The following XRRA1 variants were observed in gnomAD, a reference collection of about 807,000 sequenced individuals.
XRRA1 encodes X-ray radiation resistance-associated protein 1.
In XRRA1, 69 loss-of-function variants were observed where a neutral mutation model predicts 80.2. That is an observed-to-expected ratio of 0.86 (90% CI 0.71 to 1.05). XRRA1 has a LOEUF of 1.05. Ranked by LOEUF, XRRA1 falls within the 50% of genes least tolerant of loss-of-function variation. XRRA1 has a pLI of 0.00. For synonymous variants in XRRA1, 348 were observed against 389.9 expected (o/e 0.89, Z 1.27); for missense variants, 967 against 976.4 (o/e 0.99, Z 0.13).
Position 74,851,195 on chromosome 11 carries a change from G to A in XRRA1, c.1273C>T (p.Pro425Ser). ...PLVAHTRGVP[P>S]LLKSFLQERL... ...TCCTGGAGGAAGCTCTTCAGCAGTG[G>A]AGGGACCCCTGGTGCCATGATGGGA... Residue 425 changes from proline to serine, a missense_variant, in exon 14 of 19, where the codon CCA (proline) becomes TCA (serine). Physicochemically the swap from Pro to Ser is moderately conservative, Grantham distance 74. Coordinates refer to ENST00000684022, the MANE Select transcript of XRRA1 (RefSeq NM_001378157.1). The A allele has an allele frequency of 6.2e-7, 1 of 1,607,328 alleles. No homozygotes were observed. Among genetic ancestry groups the A allele is most frequent in the Non-Finnish European group, 8.5e-7 (1 of 1,177,600 alleles).
intron 10 of XRRA1, among the ~76,000 whole-genome samples, chr11:74,881,518 G>A (rs1468982666): frequency 6.7e-6 from 1 of 149,062 alleles, no homozygotes; most frequent in African/African-American, 2.5e-5. Context: ...GATGTTAGCT[G>A]GTTATTTTGC....
intron 7 of XRRA1, among the ~76,000 whole-genome samples, chr11:74,923,375 A>G (rs1941407414): frequency 1.3e-5 from 2 of 152,180 alleles, no homozygotes; most frequent in African/African-American, 4.8e-5. Context: ...GGTTCAGACA[A>G]TGAGGCAATC....
intron 5 of XRRA1, among the ~76,000 whole-genome samples, chr11:74,932,058 T>A (rs1425274165): frequency 1.3e-5 from 2 of 152,210 alleles, no homozygotes; most frequent in Non-Finnish European, 2.9e-5. Context: ...TTATCTGTTG[T>A]CTATTTTTCT....
At chr11:74,946,464 C>T (rs1454409623) in intron 1 of XRRA1, among the ~76,000 whole-genome samples, 1 of 152,210 alleles carries the variant, frequency 6.6e-6, no homozygotes, top group Non-Finnish European at 1.5e-5. Flanking sequence ...CCTTCACACT[C>T]TTGCCCTCTC....
In XRRA1 at chr11:74,848,284, C is replaced by T. The variant is rs370758327; in HGVS notation, c.1559G>A (p.Gly520Asp). 16 of 1,613,748 alleles carry T rather than the reference C, an allele frequency of 9.9e-6. No individual in the cohort carries two copies. The Middle Eastern group carries it at 4.9e-4, about 50-fold the overall frequency. ...ESEMPTENLE[G>D]HSPSCRTFVP... is the part of the protein sequence containing the mutation. ...GAAGGTCCGGCAAGACGGGGAATGG[C>T]CTTCCAGGTTCTCAGTGGGCATCTC... The change falls in exon 15 of 19, where the codon GGC becomes GAC. Residue 520 changes from glycine (G) to aspartate (D), a missense_variant. Coordinates refer to ENST00000684022, the MANE Select transcript of XRRA1 (RefSeq NM_001378157.1).
intron 10 of XRRA1, among the ~76,000 whole-genome samples, chr11:74,898,025 G>A (rs1411333018): frequency 1.3e-5 from 2 of 152,156 alleles, no homozygotes; most frequent in Non-Finnish European, 2.9e-5. Context: ...AAGGCTAAAT[G>A]ATGAACCAAT....
intron 10 of XRRA1, among the ~76,000 whole-genome samples, chr11:74,892,034 C>T (rs2050869482): frequency 6.6e-6 from 1 of 152,150 alleles, no homozygotes; most frequent in South Asian, 2.1e-4. Flanking sequence ...TGACTTTCTT[C>T]ACAGAATTGG....
intron 6 of XRRA1, among the ~76,000 whole-genome samples, 166 bp downstream of exon 6, chr11:74,930,134 C>G (rs536327834): frequency 8.5e-5 from 13 of 152,172 alleles, no homozygotes; most frequent in Non-Finnish European, 1.9e-4. Context: ...AGCGCCAGAG[C>G]AGGACTGGAA....
chr11:74,863,963 A>G (rs1282669846), intron 10 of XRRA1: 1 of 152,082 alleles, frequency 6.6e-6, no homozygotes. Flanking sequence ...CTGAACGCGC[A>G]TCCTGCTCTC....
intron 4 of XRRA1, among the ~76,000 whole-genome samples, chr11:74,936,058 A>G (rs191224055): frequency 2.0e-5 from 3 of 152,338 alleles, no homozygotes; most frequent in Admixed American, 2.0e-4. Context: ...CTCTTTCAAC[A>G]TCTGATTTAT....
rs903045328 is a variant in XRRA1 at position 74,949,039 on chromosome 11, G to A, written c.-184C>T. 3.6e-5 allele frequency: 14 copies of A among 388,290 alleles called. No homozygotes were observed. Among genetic ancestry groups the A allele is most frequent in the African/African-American group, 8.5e-5 (4 of 47,166 alleles). 24.1% of individuals were successfully genotyped at this position (388,290 alleles called of 1,614,324 possible). ...GATCTCGGAGCCGCTCCACTGCGGT[G>A]CCTGCCGCTATCTTCCCCACGCCTT... On this transcript the variant is annotated 5_prime_UTR_variant, in exon 1 of 19. Coordinates refer to ENST00000684022, the MANE Select transcript of XRRA1 (RefSeq NM_001378157.1).
At chr11:74,872,236 T>C (rs1421644981) in intron 10 of XRRA1, among the ~76,000 whole-genome samples, 1 of 152,196 alleles carries the variant, frequency 6.6e-6, no homozygotes, top group Non-Finnish European at 1.5e-5. Flanking sequence ...GCAGCCTTTA[T>C]GGAAAGGCTG....
intron 8 of XRRA1, among the ~76,000 whole-genome samples, chr11:74,909,340 T>C (rs1045249598): frequency 6.6e-6 from 1 of 152,238 alleles, no homozygotes; most frequent in African/African-American, 2.4e-5. Context: ...AATCTCTATC[T>C]GAGCTATTAC....
At chr11:74,909,976 G>A (rs550491) in intron 8 of XRRA1, 58,124 of 152,632 alleles carry the variant, frequency 0.38, 12,430 homozygotes, top group Middle Eastern at 0.5. Context: ...TGTGACTTCC[G>A]GCTGGTGTTG....
At chr11:74,860,108 CTT>C (rs2042010028) in intron 11 of XRRA1, among the ~76,000 whole-genome samples, 1 of 152,180 alleles carries the variant, frequency 6.6e-6, no homozygotes, top group Non-Finnish European at 1.5e-5. Flanking sequence ...GAGCAAGTCA[CTT>C]AAATTTTGCT....
At position 74,890,493 on chromosome 11, in the gene XRRA1, T is replaced by C. The variant is rs1178987470; in HGVS notation, c.1003+15746A>G. 6.6e-5 allele frequency among the ~76,000 whole-genome samples: 10 copies of C among 151,980 alleles called. No individual in the cohort carries two copies. In the East Asian group the frequency reaches 1.7e-3, roughly 26 times the overall value. ...ACCCTAACATCACAATTAAAAGAAC[T>C]AGAGAAGCAAGAGCAAACACATTCA... On this transcript the variant is annotated intron_variant, in intron 10 of 18. Transcript: ENST00000684022.
intron 5 of XRRA1, among the ~76,000 whole-genome samples, chr11:74,932,228 A>G (rs1437304832): frequency 6.6e-6 from 1 of 152,080 alleles, no homozygotes; most frequent in Non-Finnish European, 1.5e-5. Context: ...TTTTTAATTA[A>G]ATTTCATAGA....
intron 14 of XRRA1, among the ~76,000 whole-genome samples, chr11:74,850,287 C>T (rs916281345): frequency 1.3e-5 from 2 of 152,190 alleles, no homozygotes; most frequent in African/African-American, 4.8e-5. Flanking sequence ...AGAGAGGATT[C>T]TGCCCCTCCC....
In XRRA1 at chr11:74,927,345, A is replaced by G. The variant is rs12270029; in HGVS notation, c.522+46T>C. The G allele has an allele frequency of 2.6e-3, 3,009 of 1,154,820 alleles. 69 individuals carry two copies. In the African/African-American group the frequency reaches 0.041, roughly 16 times the overall value. 71.5% of individuals were successfully genotyped at this position (1,154,820 alleles called of 1,614,324 possible). ...CAGTAAAGCTCTATGCTCATTCCTTACAGGGGAACTTGGTGGGCACCAAAA... is the reference window on the plus strand; with the variant it reads ...CAGTAAAGCTCTATGCTCATTCCTTGCAGGGGAACTTGGTGGGCACCAAAA... On this transcript the variant is annotated intron_variant, in intron 7 of 18. Transcript: ENST00000684022.
Sources: allele counts gnomAD v4.1 joint callset (sites outside exome capture counted in the v4.1 genomes callset), GRCh38; gene constraint gnomAD v4.1.1; transcripts MANE v1.5; gene names NCBI Gene and HGNC (gene_info 2026-07-23, HGNC 2026-07-21).